The following CNTN5 variants were observed in gnomAD, a reference collection of about 807,000 sequenced individuals.
The protein encoded by CNTN5 is contactin-5.
CNTN5 carries 77 observed loss-of-function variants against 129.1 expected under a neutral mutation model. The ratio of observed to expected loss-of-function variants is 0.60; its 90% CI spans 0.50 to 0.72. CNTN5 has a LOEUF of 0.72. Ranked by LOEUF, CNTN5 falls within the 30% of genes least tolerant of loss-of-function variation. CNTN5 has a pLI of 0.00. For missense variants in CNTN5, 1,478 were observed against 1,328.8 expected, an observed-to-expected ratio of 1.11 and a Z score of -1.75; for synonymous variants, 509 against 465.6, an observed-to-expected ratio of 1.09 and a Z score of -1.20.
At chr11:100,061,513 A>G in intron 10 of CNTN5, 120 bp downstream of exon 10, 1 of 686,044 alleles carries the variant, frequency 1.5e-6, no homozygotes, top group East Asian at 2.7e-5. Flanking sequence ...ATTTATAATC[A>G]TACTTCATTC....
chr11:100,066,416 C>G (rs958210213), intron 10 of CNTN5, among the ~76,000 whole-genome samples: 2 of 152,000 alleles, frequency 1.3e-5, no homozygotes, highest in Admixed American at 1.3e-4. Flanking sequence ...ACAAAAGAGG[C>G]CAATAACACT....
chr11:100,333,747 C>G lies in CNTN5; in HGVS notation c.2731-6716C>G, dbSNP rs536670426. On this transcript the variant is annotated intron_variant, in intron 21 of 24. Transcript: ENST00000524871. Reference sequence around the variant, plus strand: ...GGCTAGCCACATGTTGAAAATGAAACTGGATCCTCATCTCTCACCTTATAC... The same window carrying G: ...GGCTAGCCACATGTTGAAAATGAAAGTGGATCCTCATCTCTCACCTTATAC... Among the ~76,000 whole-genome samples the G allele has an allele frequency of 2.0e-5, 3 of 152,228 alleles. No individual in the cohort carries two copies. In the East Asian group the frequency reaches 5.8e-4, roughly 29 times the overall value.
chr11:99,421,251 G>C lies in CNTN5; in HGVS notation c.-71+95767G>C, dbSNP rs567889207. 2.4e-4 allele frequency among the ~76,000 whole-genome samples: 37 copies of C among 151,966 alleles called. 1 individual carries two copies. The highest frequency in any genetic ancestry group is 8.9e-4 in the African/African-American group (37 of 41,444). ...AACATACCTCAGATTCCTTTACAGA[G>C]TTTATGGTATTGTGGAAGAGAGGTG... On this transcript the variant is annotated intron_variant, in intron 2 of 24. Coordinates refer to ENST00000524871, the MANE Select transcript of CNTN5 (RefSeq NM_014361.4).
At chr11:99,289,846 G>A (rs1437581183) in intron 1 of CNTN5, among the ~76,000 whole-genome samples, 2 of 151,738 alleles carry the variant, frequency 1.3e-5, no homozygotes, top group African/African-American at 2.4e-5. Context: ...GTAACACTTA[G>A]CAAGACTATG....
intron 4 of CNTN5, among the ~76,000 whole-genome samples, chr11:99,834,762 G>A (rs1345059134): frequency 6.6e-6 from 1 of 151,952 alleles, no homozygotes; most frequent in Non-Finnish European, 1.5e-5. Flanking sequence ...AGATAGATGG[G>A]GTTACTACTA....
chr11:99,098,538 C>T (rs915933905), intron 1 of CNTN5, among the ~76,000 whole-genome samples: 1 of 152,008 alleles, frequency 6.6e-6, no homozygotes, highest in Non-Finnish European at 1.5e-5. Flanking sequence ...CTCTCTGCTA[C>T]GAGGTTTTCA....
intron 21 of CNTN5, chr11:100,308,999 T>G (rs1279277296): frequency 2.0e-6 from 2 of 984,854 alleles, no homozygotes; most frequent in Non-Finnish European, 2.4e-6. Flanking sequence ...TCATATCAAA[T>G]GAATAACATC....
intron 23 of CNTN5, among the ~76,000 whole-genome samples, chr11:100,344,004 A>G (rs892112398): frequency 1.3e-5 from 2 of 152,112 alleles, no homozygotes; most frequent in African/African-American, 2.4e-5. Context: ...GATTCTTGGA[A>G]CATTTGAAGC....
intron 1 of CNTN5, among the ~76,000 whole-genome samples, chr11:99,319,308 A>T (rs932839309): frequency 7.9e-5 from 12 of 152,116 alleles, no homozygotes; most frequent in African/African-American, 2.9e-4. Flanking sequence ...CAACCACATG[A>T]CTCAACTGAT....
chr11:99,675,373 G>C (rs1346021765), intron 3 of CNTN5, among the ~76,000 whole-genome samples: 2 of 152,054 alleles, frequency 1.3e-5, no homozygotes, highest in Non-Finnish European at 2.9e-5. Flanking sequence ...GTTATAGATA[G>C]ATTTTGGTAA....
intron 3 of CNTN5, among the ~76,000 whole-genome samples, chr11:99,578,115 G>A (rs1458175162): frequency 6.6e-6 from 1 of 151,904 alleles, no homozygotes; most frequent in Non-Finnish European, 1.5e-5. Context: ...TGCTGAGAAT[G>A]ATGGTTTCCA....
At chr11:100,233,714 C>T (rs963789420) in intron 16 of CNTN5, among the ~76,000 whole-genome samples, 1 of 152,066 alleles carries the variant, frequency 6.6e-6, no homozygotes, top group Non-Finnish European at 1.5e-5. Flanking sequence ...GACTTCTTAT[C>T]TAGGTGCCAT....
intron 16 of CNTN5, among the ~76,000 whole-genome samples, chr11:100,247,525 G>T (rs1344846905): frequency 1.3e-5 from 2 of 152,040 alleles, no homozygotes; most frequent in African/African-American, 2.4e-5. Flanking sequence ...ACGTAATGGT[G>T]GTCAGAAAGT....
intron 1 of CNTN5, among the ~76,000 whole-genome samples, chr11:99,318,186 T>C (rs1223358654): frequency 6.6e-6 from 1 of 152,176 alleles, no homozygotes; most frequent in Non-Finnish European, 1.5e-5. Context: ...TTGATAACTT[T>C]AAGTAAATAA....
intron 1 of CNTN5, among the ~76,000 whole-genome samples, chr11:99,061,984 C>G (rs1230178777): frequency 8.0e-6 from 1 of 124,822 alleles, no homozygotes; most frequent in Non-Finnish European, 1.8e-5. Flanking sequence ...AGAGTAAGAT[C>G]CTGTCTCAAA....
chr11:99,031,805 G>A (rs1188021167), intron 1 of CNTN5, among the ~76,000 whole-genome samples: 1 of 150,266 alleles, frequency 6.7e-6, no homozygotes, highest in Non-Finnish European at 1.5e-5. Context: ...TAGGGTACAT[G>A]TGCACAATGT....
chr11:99,312,377 T>C (rs1427090851), intron 1 of CNTN5, among the ~76,000 whole-genome samples: 8 of 152,154 alleles, frequency 5.3e-5, no homozygotes, highest in Admixed American at 5.2e-4. Flanking sequence ...GTATGAGCCT[T>C]CGATTCTTTA....
At chr11:99,623,225 C>A (rs776848366) in intron 3 of CNTN5, among the ~76,000 whole-genome samples, 44 of 152,004 alleles carry the variant, frequency 2.9e-4, no homozygotes, top group Non-Finnish European at 5.7e-4. Flanking sequence ...GGTGATAAAA[C>A]CTCACTAAAA....
At chr11:99,496,481 T>G (rs1371635355) in intron 2 of CNTN5, among the ~76,000 whole-genome samples, 1 of 152,204 alleles carries the variant, frequency 6.6e-6, no homozygotes, top group Non-Finnish European at 1.5e-5. Context: ...ATATTAAAAA[T>G]GTCTTGAAAG....
Sources: gnomAD v4.1 joint callset for allele counts (sites outside exome capture counted in the v4.1 genomes callset) on GRCh38, gnomAD v4.1.1 for gene constraint, MANE v1.5 for transcripts, NCBI Gene and HGNC (gene_info 2026-07-23, HGNC 2026-07-21) for gene names.